Variants in CEP350 observed in about 807,000 individuals in gnomAD.
CEP350 encodes centrosomal protein 350, also known as centrosome-associated protein 350.
CEP350 carries 126 observed loss-of-function variants against 331.8 expected under a neutral mutation model. That is an observed-to-expected ratio of 0.38 (90% CI 0.33 to 0.44). The LOEUF is 0.44. Among genes scored for constraint, CEP350 ranks in the 20% least tolerant of loss-of-function variants. CEP350 has a pLI of 1.00. For synonymous variants in CEP350, 1,200 were observed against 1,259.5 expected (o/e 0.95, Z 1.00); for missense variants, 3,406 against 3,634.6 (o/e 0.94, Z 1.62).
At chr1:180,037,950 A>G (rs1203453619) in intron 17 of CEP350, among the ~76,000 whole-genome samples, 1 of 152,102 alleles carries the variant, frequency 6.6e-6, no homozygotes, top group African/African-American at 2.4e-5. Context: ...CGCCTGGCCC[A>G]GTTTTGGTGA....
chr1:179,984,717 T>G (rs1359094169), intron 1 of CEP350, among the ~76,000 whole-genome samples: 4 of 152,178 alleles, frequency 2.6e-5, no homozygotes, highest in Non-Finnish European at 5.9e-5. Flanking sequence ...CCACCACAAG[T>G]GTCCAGCAGT....
chr1:180,038,400 TATA>T (rs1231821771), intron 17 of CEP350, among the ~76,000 whole-genome samples: 2 of 152,242 alleles, frequency 1.3e-5, no homozygotes, highest in African/African-American at 4.8e-5. Flanking sequence ...ATTTTTCTTG[TATA>T]AGTACCTAGG....
At chr1:180,099,091 G>A in intron 37 of CEP350, 106 bp downstream of exon 37, 1 of 1,161,400 alleles carries the variant, frequency 8.6e-7, no homozygotes, top group South Asian at 2.3e-5. Context: ...TAAATCTATG[G>A]TATTAAAATC....
intron 6 of CEP350, among the ~76,000 whole-genome samples, chr1:179,997,791 G>GT (rs1653567249): frequency 6.6e-6 from 1 of 152,100 alleles, no homozygotes; most frequent in South Asian, 2.1e-4. Context: ...TATTTGGATT[G>GT]TTATTAGGAA....
chr1:180,041,701 C>CGG lies in CEP350; in HGVS notation c.4263_4264dup (p.Glu1422GlyfsTer3). 6.2e-7 allele frequency: 1 copy of CGG among 1,613,552 alleles called. No individual in the cohort carries two copies. The highest frequency in any genetic ancestry group is 8.5e-7 in the Non-Finnish European group (1 of 1,179,716). On this transcript the variant is annotated frameshift_variant, in exon 19 of 38. Coordinates refer to ENST00000367607, the MANE Select transcript of CEP350 (RefSeq NM_014810.5). LOFTEE classifies it high-confidence loss of function. ...ATTACAGCAGGTGGTTCAATCACAACGGGAAGTAACTGAAGTCCTGCAGGA... is the reference window on the plus strand; with the variant it reads ...ATTACAGCAGGTGGTTCAATCACAACGGGGGAAGTAACTGAAGTCCTGCAGGA...
chr1:180,086,681 C>A (rs540131822), intron 31 of CEP350, among the ~76,000 whole-genome samples: 1 of 151,950 alleles, frequency 6.6e-6, no homozygotes, highest in South Asian at 2.1e-4. Flanking sequence ...CTCATATATA[C>A]CTATTGAGCT....
At chr1:180,028,312 A>G (rs1465734008) in intron 14 of CEP350, among the ~76,000 whole-genome samples, 1 of 152,238 alleles carries the variant, frequency 6.6e-6, no homozygotes, top group East Asian at 1.9e-4. Context: ...ATGGCATTAG[A>G]ATTCAGCTGA....
chr1:180,084,052 G>A lies in CEP350; in HGVS notation c.6159G>A (p.Arg2053=). Residue 2053 remains arginine, a synonymous_variant, in exon 31 of 38, where the codon AGG becomes AGA. Transcript: ENST00000367607. The part of the protein sequence containing the change: ...TTSDQSDIEG[R]IRALKDELRK... The stretch of plus-strand genomic sequence containing the variant: ...CTGACCAGAGTGATATTGAAGGTAG[G>A]ATCAGAGCTCTGAAGGATGAGTTGC... 6.3e-7 allele frequency: 1 copy of A among 1,598,826 alleles called. No individual in the cohort carries two copies. The highest frequency in any genetic ancestry group is 1.1e-5 in the South Asian group (1 of 88,782).
intron 5 of CEP350, among the ~76,000 whole-genome samples, chr1:179,992,430 G>A (rs991816738): frequency 5.9e-5 from 9 of 152,164 alleles, no homozygotes; most frequent in Non-Finnish European, 1.2e-4. Flanking sequence ...CTCTTCTGCA[G>A]ATAAATATTC....
chr1:180,007,003 C>G (rs1256884845), intron 8 of CEP350, among the ~76,000 whole-genome samples: 2 of 152,172 alleles, frequency 1.3e-5, no homozygotes, highest in South Asian at 2.1e-4. Context: ...TTAATCCAGT[C>G]AATCATTGAT....
Position 180,041,764 on chromosome 1 carries a change from G to GC in CEP350, c.4325dup (p.Arg1443SerfsTer12). ...AATAGCAGCTCAGCAGTCAGAAACT[G>GC]CTCGCCTCACCACAGACGCAGCACG... On this transcript the variant is annotated frameshift_variant, in exon 19 of 38. Coordinates refer to ENST00000367607, the MANE Select transcript of CEP350 (RefSeq NM_014810.5). LOFTEE classifies it high-confidence loss of function. The GC allele has an allele frequency of 6.2e-7, 1 of 1,613,068 alleles. No homozygotes were observed. Among genetic ancestry groups the GC allele is most frequent in the South Asian group, 1.1e-5 (1 of 90,898 alleles).
chr1:179,983,265 C>T (rs1473209768), intron 1 of CEP350, among the ~76,000 whole-genome samples: 2 of 151,814 alleles, frequency 1.3e-5, no homozygotes, highest in African/African-American at 4.8e-5. Context: ...GACGGAGTCT[C>T]GCTCTCTTGC....
intron 37 of CEP350, among the ~76,000 whole-genome samples, chr1:180,107,170 ACTGT>A (rs1213623717): frequency 6.6e-6 from 1 of 152,198 alleles, no homozygotes; most frequent in Non-Finnish European, 1.5e-5. Flanking sequence ...TTCTATTTGC[ACTGT>A]CCTAGTCATG....
intron 1 of CEP350, among the ~76,000 whole-genome samples, chr1:179,960,585 T>C (rs996132637): frequency 2.6e-5 from 4 of 151,702 alleles, no homozygotes; most frequent in Non-Finnish European, 5.9e-5. Flanking sequence ...TTGTGTTCCA[T>C]TTTTTTTGAT....
In CEP350 at chr1:179,997,093, A is replaced by G. The variant is rs1334748563; in HGVS notation, c.936A>G (p.Pro312=). The G allele has an allele frequency of 1.2e-6, 2 of 1,614,032 alleles. No individual in the cohort carries two copies. Among genetic ancestry groups the G allele is most frequent in the East Asian group, 2.2e-5 (1 of 44,882 alleles). Residue 312 remains proline, a synonymous_variant, in exon 6 of 38, where the codon CCA becomes CCG. Coordinates refer to ENST00000367607, the MANE Select transcript of CEP350 (RefSeq NM_014810.5). The part of the protein sequence containing the change: ...RGQKLGHIDH[P]VMVVNVDNSV... ...AGAAGCTGGGTCATATTGACCATCCAGTAATGGTTGTTAATGTTGATAACT... is the reference window on the plus strand; with the variant it reads ...AGAAGCTGGGTCATATTGACCATCCGGTAATGGTTGTTAATGTTGATAACT...
At position 180,114,626 on chromosome 1, in the gene CEP350, C is replaced by G. The variant is rs1661593321; in HGVS notation, c.*3465C>G. 6.6e-6 allele frequency: 1 copy of G among 152,616 alleles called. No homozygotes were observed. Among genetic ancestry groups the G allele is most frequent in the South Asian group, 2.1e-4 (1 of 4,830 alleles). 9.5% of individuals were successfully genotyped at this position (152,616 alleles called of 1,614,324 possible). Reference sequence around the variant, plus strand: ...GGGAGGTTCAGCCTCCTTGTGTGTACTGTACTGTGCAGACATGAAAAAATA... The same window carrying G: ...GGGAGGTTCAGCCTCCTTGTGTGTAGTGTACTGTGCAGACATGAAAAAATA... On this transcript the variant is annotated 3_prime_UTR_variant, in exon 38 of 38. Coordinates refer to ENST00000367607, the MANE Select transcript of CEP350 (RefSeq NM_014810.5).
At chr1:180,076,927 C>A (rs375139211) in intron 28 of CEP350, among the ~76,000 whole-genome samples, 2 of 151,988 alleles carry the variant, frequency 1.3e-5, no homozygotes, top group African/African-American at 4.8e-5. Context: ...TAATAGATAC[C>A]GTACTTAATG....
chr1:180,043,322 C>A, intron 20 of CEP350, 130 bp downstream of exon 20: 1 of 1,069,348 alleles, frequency 9.4e-7, no homozygotes, highest in Non-Finnish European at 1.3e-6. Flanking sequence ...TGGGCATAGT[C>A]TAGTAGGGAA....
intron 14 of CEP350, among the ~76,000 whole-genome samples, chr1:180,026,270 C>G (rs1318944066): frequency 8.0e-6 from 1 of 125,124 alleles, no homozygotes; most frequent in Non-Finnish European, 1.7e-5. Context: ...GACTCTGTGT[C>G]AAAAAAAAAA....
Sources: allele counts gnomAD v4.1 joint callset (sites outside exome capture counted in the v4.1 genomes callset), GRCh38; gene constraint gnomAD v4.1.1; transcripts MANE v1.5; gene names NCBI Gene and HGNC (gene_info 2026-07-23, HGNC 2026-07-21).